Variants in MMADHC observed in about 807,000 individuals in gnomAD.
MMADHC encodes cobalamin trafficking protein CblD.
A neutral mutation model predicts 36.3 loss-of-function variants in MMADHC; 23 were observed. That is an observed-to-expected ratio of 0.63 (90% CI 0.46 to 0.90). MMADHC has a LOEUF of 0.90. Ranked by LOEUF, MMADHC falls within the 40% of genes least tolerant of loss-of-function variation. The probability of loss-of-function intolerance (pLI) is 0.00; values close to 1 mark genes in which losing one functional copy is unlikely to be tolerated. For synonymous variants in MMADHC, 97 were observed against 116.1 expected, an observed-to-expected ratio of 0.84 and a Z score of 1.06; for missense variants, 330 against 348.0, an observed-to-expected ratio of 0.95 and a Z score of 0.41.
At chr2:149,573,944 T>C (rs1472934632) in intron 6 of MMADHC, among the ~76,000 whole-genome samples, 1 of 152,108 alleles carries the variant, frequency 6.6e-6, no homozygotes, top group Non-Finnish European at 1.5e-5. Context: ...TGGAAAAAAT[T>C]AGAACAGATT....
chr2:149,581,296 A>C (rs2105049402), intron 3 of MMADHC, among the ~76,000 whole-genome samples: 1 of 152,290 alleles, frequency 6.6e-6, no homozygotes, highest in South Asian at 2.1e-4. Flanking sequence ...TCTTTCATTT[A>C]TTATAAATAT....
intron 2 of MMADHC, among the ~76,000 whole-genome samples, chr2:149,583,677 A>T (rs1280974363): frequency 1.3e-5 from 2 of 152,194 alleles, no homozygotes; most frequent in Non-Finnish European, 2.9e-5. Flanking sequence ...ACACCTGAGA[A>T]TTATTCTATT....
intron 4 of MMADHC, among the ~76,000 whole-genome samples, chr2:149,577,048 C>T (rs554882089): frequency 6.6e-6 from 1 of 152,090 alleles, no homozygotes; most frequent in Non-Finnish European, 1.5e-5. Context: ...GCAGGCGCTG[C>T]AATGGTAAAA....
At chr2:149,586,890 A>G (rs1415964383) in intron 2 of MMADHC, 199 bp downstream of exon 2, 3 of 611,970 alleles carry the variant, frequency 4.9e-6, no homozygotes, top group African/African-American at 3.7e-5. Flanking sequence ...AATTGTATAA[A>G]TAAGTGTATT....
At chr2:149,586,465 C>T (rs1315501726) in intron 2 of MMADHC, among the ~76,000 whole-genome samples, 1 of 152,170 alleles carries the variant, frequency 6.6e-6, no homozygotes, top group African/African-American at 2.4e-5. Context: ...TTAAATGTTT[C>T]CCTCATGAAG....
intron 3 of MMADHC, among the ~76,000 whole-genome samples, chr2:149,580,003 G>A (rs763995259): frequency 6.6e-6 from 1 of 152,180 alleles, no homozygotes; most frequent in Non-Finnish European, 1.5e-5. Flanking sequence ...AGAACAGCAT[G>A]TATAATAACA....
intron 3 of MMADHC, 82 bp downstream of exon 3, chr2:149,582,045 C>A: frequency 6.7e-7 from 1 of 1,499,536 alleles, no homozygotes; most frequent in Non-Finnish European, 9.2e-7. Context: ...TCCATTAAGC[C>A]TTAAGAAGAA....
intron 4 of MMADHC, among the ~76,000 whole-genome samples, chr2:149,578,160 T>C (rs543297396): frequency 6.6e-6 from 1 of 152,138 alleles, no homozygotes; most frequent in South Asian, 2.1e-4. Context: ...TTGTGTGTCA[T>C]GCTACAATGA....
At chr2:149,581,179 G>A (rs1682788882) in intron 3 of MMADHC, among the ~76,000 whole-genome samples, 1 of 152,106 alleles carries the variant, frequency 6.6e-6, no homozygotes, top group African/African-American at 2.4e-5. Context: ...GCCTATTCAT[G>A]TCCTTTTGTT....
intron 2 of MMADHC, among the ~76,000 whole-genome samples, chr2:149,584,711 G>C (rs1338379650): frequency 1.3e-5 from 2 of 152,136 alleles, no homozygotes; most frequent in East Asian, 1.9e-4. Flanking sequence ...GACAGTTGAT[G>C]ATAGTACTAA....
chr2:149,576,626 G>T, intron 4 of MMADHC, 84 bp from the exon 5 acceptor site: 2 of 924,026 alleles, frequency 2.2e-6, no homozygotes, highest in South Asian at 2.7e-5. Context: ...GTCTTCCTTA[G>T]AAAGCTTTTT....
chr2:149,572,199 T>C (rs754335236), intron 6 of MMADHC: 1 of 427,734 alleles, frequency 2.3e-6, no homozygotes, highest in South Asian at 1.7e-5. Context: ...GAAGAGATCA[T>C]GAATGTTTAA....
chr2:149,577,129 A>T (rs1481286689), intron 4 of MMADHC, among the ~76,000 whole-genome samples: 1 of 152,242 alleles, frequency 6.6e-6, no homozygotes, highest in African/African-American at 2.4e-5. Context: ...AAATGCAATT[A>T]AATATGACAA....
intron 6 of MMADHC, chr2:149,572,183 A>G: frequency 2.4e-6 from 1 of 419,776 alleles, no homozygotes; most frequent in South Asian, 1.7e-5. Context: ...ACAATGTTGA[A>G]ATAAAGAAGA....
In MMADHC at chr2:149,575,760, G is replaced by C; in HGVS notation, c.560C>G (p.Thr187Ser). The change falls in exon 6 of 8, where the codon ACT becomes AGT. Residue 187 changes from threonine to serine, a missense_variant. Physicochemically the swap from Thr to Ser is moderately conservative, Grantham distance 58. Coordinates refer to ENST00000303319, the MANE Select transcript of MMADHC (RefSeq NM_015702.3). ...AATTTCTACTTCTTCACTCCAAACAGTCATATCATTCTTAGTTTTTTGTGT... is the reference window on the plus strand; with the variant it reads ...AATTTCTACTTCTTCACTCCAAACACTCATATCATTCTTAGTTTTTTGTGT... ...TVTQKTKNDM[T>S]VWSEEVEIER... 6.2e-7 allele frequency: 1 copy of C among 1,609,598 alleles called. No homozygotes were observed. Among genetic ancestry groups the C allele is most frequent in the Non-Finnish European group, 8.5e-7 (1 of 1,177,120 alleles).
intron 6 of MMADHC, chr2:149,572,357 CAGTTCCACTTCTGGCCATAACAG>C: frequency 5.1e-6 from 1 of 197,392 alleles, no homozygotes; most frequent in South Asian, 3.2e-5. Flanking sequence ...ATCAAGGGCA[CAGTTCCACTTCTGGCCATAACAG>C]AGTTAACAGG....
At chr2:149,574,992 C>T (rs1345829037) in intron 6 of MMADHC, among the ~76,000 whole-genome samples, 1 of 152,108 alleles carries the variant, frequency 6.6e-6, no homozygotes, top group Non-Finnish European at 1.5e-5. Flanking sequence ...CAGGGTCTCA[C>T]TACAGTGCCC....
chr2:149,577,671 GAAA>G (rs887570754), intron 4 of MMADHC, among the ~76,000 whole-genome samples: 1 of 150,758 alleles, frequency 6.6e-6, no homozygotes, highest in African/African-American at 2.4e-5. Context: ...AAAAAAGAAA[GAAA>G]AAAAAATATT....
chr2:149,585,327 G>A (rs1024754560), intron 2 of MMADHC, among the ~76,000 whole-genome samples: 1 of 152,152 alleles, frequency 6.6e-6, no homozygotes, highest in Non-Finnish European at 1.5e-5. Context: ...TATATAAAGA[G>A]AAAGTGCCTT....
Sources: allele counts gnomAD v4.1 joint callset (sites outside exome capture counted in the v4.1 genomes callset), GRCh38; gene constraint gnomAD v4.1.1; transcripts MANE v1.5; gene names NCBI Gene and HGNC (gene_info 2026-07-23, HGNC 2026-07-21).